YARS1: variants seen among roughly 807,000 people sequenced by gnomAD.
The protein encoded by YARS1 is tyrosine--tRNA ligase, cytoplasmic.
In YARS1, 36 loss-of-function variants were observed where a neutral mutation model predicts 62.2. The ratio of observed to expected loss-of-function variants is 0.58; its 90% CI spans 0.44 to 0.76. YARS1 has a LOEUF of 0.76. Ranked by LOEUF, YARS1 falls within the 30% of genes least tolerant of loss-of-function variation. YARS1 has a pLI of 0.00. For missense variants in YARS1, 524 were observed against 639.8 expected (o/e 0.82, Z 1.95); for synonymous variants, 234 against 244.9 (o/e 0.96, Z 0.42).
chr1:32,814,393 T>G (rs1413053232), intron 1 of YARS1, among the ~76,000 whole-genome samples: 1 of 152,156 alleles, frequency 6.6e-6, no homozygotes, highest in Non-Finnish European at 1.5e-5. Flanking sequence ...CAATCCAAGT[T>G]CTTTTTTATT....
intron 5 of YARS1, among the ~76,000 whole-genome samples, chr1:32,793,940 T>TGG (rs1653491513): frequency 2.0e-5 from 3 of 152,110 alleles, no homozygotes; most frequent in Non-Finnish European, 4.4e-5. Flanking sequence ...ACATACTAAG[T>TGG]GGGGGCTCTT....
At chr1:32,801,155 G>C (rs985394071) in intron 4 of YARS1, among the ~76,000 whole-genome samples, 1 of 152,162 alleles carries the variant, frequency 6.6e-6, no homozygotes, top group Non-Finnish European at 1.5e-5. Flanking sequence ...CAGGAAGCGG[G>C]GAAGGAAGAC....
At position 32,817,258 on chromosome 1, in the gene YARS1, C is replaced by G; in HGVS notation, c.-14G>C. ...AGCGTCCCCCATGGCTCCGCTACCC[C>G]TGCTTCCCCCGCTCAGCCCGGCACC... On this transcript the variant is annotated 5_prime_UTR_variant, in exon 1 of 13. Coordinates refer to ENST00000373477, the MANE Select transcript of YARS1 (RefSeq NM_003680.4). 1 of 1,613,908 alleles carries G rather than the reference C, an allele frequency of 6.2e-7. No individual in the cohort carries two copies. The highest frequency in any genetic ancestry group is 8.5e-7 in the Non-Finnish European group (1 of 1,179,980).
chr1:32,784,050 G>C (rs1653142647), intron 8 of YARS1, among the ~76,000 whole-genome samples: 3 of 150,726 alleles, frequency 2.0e-5, no homozygotes, highest in African/African-American at 7.3e-5. Context: ...CTGTTACCCA[G>C]CTGGAGTACA....
At chr1:32,800,752 T>G (rs1638266186) in intron 4 of YARS1, among the ~76,000 whole-genome samples, 1 of 152,070 alleles carries the variant, frequency 6.6e-6, no homozygotes, top group African/African-American at 2.4e-5. Context: ...TTTTTGTATT[T>G]TTAGTAGAGA....
chr1:32,775,737 G>A lies in YARS1; in HGVS notation c.*244C>T, dbSNP rs995493162. The A allele has an allele frequency of 1.7e-6, 1 of 571,448 alleles. No individual in the cohort carries two copies. The highest frequency in any genetic ancestry group is 1.9e-5 in the African/African-American group (1 of 53,502). The allele number at this position is 571,448 out of a possible 1,614,324, so 35.4% of individuals were successfully genotyped here. ...TTTCTCCAGCTGCCAAGGGAAGAAG[G>A]TAGGGCTGGACTCCCTGCTGTGGCC... On this transcript the variant is annotated 3_prime_UTR_variant, in exon 13 of 13. Coordinates refer to ENST00000373477, the MANE Select transcript of YARS1 (RefSeq NM_003680.4).
chr1:32,784,078 C>T (rs549714681), intron 8 of YARS1, among the ~76,000 whole-genome samples: 1 of 151,680 alleles, frequency 6.6e-6, no homozygotes, highest in South Asian at 2.1e-4. Flanking sequence ...AATCATGGCT[C>T]AGTGCAGCTT....
chr1:32,780,680 A>T (rs1653022812), intron 10 of YARS1: 4 of 412,238 alleles, frequency 9.7e-6, no homozygotes, highest in Admixed American at 3.7e-5. Context: ...GTCTCTGGGA[A>T]AAAGGAAGTC....
intron 9 of YARS1, 123 bp from the exon 10 acceptor site, chr1:32,781,268 C>G (rs764638835): frequency 4.8e-6 from 4 of 828,990 alleles, no homozygotes; most frequent in Non-Finnish European, 8.2e-6. Context: ...AGTCTAAACA[C>G]TGAGTTGTAA....
intron 4 of YARS1, among the ~76,000 whole-genome samples, chr1:32,804,599 C>A (rs887671334): frequency 6.9e-6 from 1 of 144,346 alleles, no homozygotes; most frequent in Non-Finnish European, 1.5e-5. Flanking sequence ...CAGACCGGGT[C>A]GCGGCCGGAC....
intron 4 of YARS1, among the ~76,000 whole-genome samples, chr1:32,803,573 C>T (rs577849036): frequency 6.6e-6 from 1 of 152,322 alleles, no homozygotes; most frequent in Non-Finnish European, 1.5e-5. Flanking sequence ...ATCAACTTCT[C>T]TCTAGCTACG....
Position 32,782,498 on chromosome 1 carries a change from T to A in YARS1, c.948A>T (p.Ala316=), listed in dbSNP as rs1272724537. The A allele has an allele frequency of 6.2e-7, 1 of 1,614,152 alleles. No homozygotes were observed. The highest frequency in any genetic ancestry group is 1.7e-5 in the Admixed American group (1 of 60,018). Residue 316 remains alanine, a synonymous_variant, in exon 9 of 13, where the codon GCA becomes GCT. Transcript: ENST00000373477. ...PGDLKNSVEV[A]LNKLLDPIRE... ...GGATTGGATCCAGCAACTTGTTCAGTGCGACTTCAACAGAATTCTTCAGGT... is the reference window on the plus strand; with the variant it reads ...GGATTGGATCCAGCAACTTGTTCAGAGCGACTTCAACAGAATTCTTCAGGT...
At chr1:32,798,158 C>T (rs1278309937) in intron 4 of YARS1, 5 of 363,242 alleles carry the variant, frequency 1.4e-5, no homozygotes, top group Middle Eastern at 9.2e-4. Flanking sequence ...AGGCGAGAGC[C>T]ACCATGCCCA....
At chr1:32,778,736 CTTTTTT>C (rs67504155) in intron 12 of YARS1, among the ~76,000 whole-genome samples, 1 of 120,070 alleles carries the variant, frequency 8.3e-6, no homozygotes, top group African/African-American at 3.3e-5. Flanking sequence ...CTTTTCTTTT[CTTTTTT>C]TTTTTTTTTT....
At chr1:32,802,759 C>T (rs573960940) in intron 4 of YARS1, among the ~76,000 whole-genome samples, 5 of 152,232 alleles carry the variant, frequency 3.3e-5, no homozygotes, top group South Asian at 4.2e-4. Flanking sequence ...TGTTAACAGA[C>T]GTGCTACTAT....
intron 1 of YARS1, among the ~76,000 whole-genome samples, chr1:32,812,203 A>C (rs1045811826): frequency 6.6e-6 from 1 of 152,024 alleles, no homozygotes; most frequent in Non-Finnish European, 1.5e-5. Context: ...TTTAGTAGAG[A>C]AGTCTCACTA....
intron 4 of YARS1, among the ~76,000 whole-genome samples, chr1:32,802,389 G>A (rs1569757704): frequency 2.6e-5 from 4 of 151,786 alleles, no homozygotes; most frequent in East Asian, 1.9e-4. Flanking sequence ...CATGAATCAC[G>A]AATATTCTTA....
rs565715584 is a variant in YARS1 at position 32,805,052 on chromosome 1, G to A, written c.510+1430C>T. 2.0e-4 allele frequency among the ~76,000 whole-genome samples: 31 copies of A among 152,284 alleles called. 1 individual carries two copies. The highest frequency in any genetic ancestry group is 1.4e-3 in the Admixed American group (21 of 15,296). On this transcript the variant is annotated intron_variant, in intron 4 of 12. Transcript: ENST00000373477. ...TGGAGACCAGCCCGGCCAACACAGC[G>A]AAACCCCGTCTCCACCAAAAAATAC...
At chr1:32,812,969 CAAAA>C (rs371599312) in intron 1 of YARS1, among the ~76,000 whole-genome samples, 2 of 90,022 alleles carry the variant, frequency 2.2e-5, no homozygotes, top group Non-Finnish European at 4.5e-5. Flanking sequence ...ACTCTGTCTC[CAAAA>C]AAAAAAAAAA....
Sources: allele counts gnomAD v4.1 joint callset (sites outside exome capture counted in the v4.1 genomes callset), GRCh38; gene constraint gnomAD v4.1.1; transcripts MANE v1.5; gene names NCBI Gene and HGNC (gene_info 2026-07-23, HGNC 2026-07-21).